The following TTC19 variants were observed in gnomAD, a reference collection of about 807,000 sequenced individuals.
TTC19 encodes the protein tetratricopeptide repeat protein 19, mitochondrial.
Under a neutral mutation model 49.5 loss-of-function variants are expected in TTC19, and 38 were observed. That is an observed-to-expected ratio of 0.77 (90% CI 0.59 to 1.01). TTC19 has a LOEUF of 1.01. Ranked by LOEUF, TTC19 falls within the 50% of genes least tolerant of loss-of-function variation. The pLI is 0.00. For synonymous variants in TTC19, 204 were observed against 185.2 expected, an observed-to-expected ratio of 1.10 and a Z score of -0.83; for missense variants, 475 against 477.7, an observed-to-expected ratio of 0.99 and a Z score of 0.05.
intron 7 of TTC19, chr17:16,023,343 T>G (rs1436646052): frequency 1.3e-5 from 2 of 152,262 alleles, no homozygotes; most frequent in Non-Finnish European, 2.9e-5. Context: ...TGTCACTTTA[T>G]TCTTGTACTT....
At position 16,021,401 on chromosome 17, in the gene TTC19, CA is replaced by C. The variant is rs973478594; in HGVS notation, c.677-3609del. Among the ~76,000 whole-genome samples the C allele has an allele frequency of 7.0e-3, 1,070 of 152,048 alleles. 11 individuals carry two copies. The highest frequency in any genetic ancestry group is 0.025 in the African/African-American group (1,029 of 41,490). On this transcript the variant is annotated intron_variant, in intron 7 of 9. Coordinates refer to ENST00000261647, the MANE Select transcript of TTC19 (RefSeq NM_017775.4). ...AGACTTCGTCTCAAAAAAGAAAAAA[CA>C]AAAAAACAAAGTCACCGCCTCATGG...
At position 15,999,864 on chromosome 17, in the gene TTC19, A is replaced by G; in HGVS notation, c.16A>G (p.Ser6Gly). ...CGGCGGGAGCATGTTCCGGCTCCTG[A>G]GCTGGAGCCTGGGCCGAGGCTTCCT... MFRLLSWSLGRGFLRA... is the reference protein window; with the variant it reads MFRLLGWSLGRGFLRA... Residue 6 changes from serine (S) to glycine (G), a missense_variant, in exon 1 of 10, where the codon AGC becomes GGC. Coordinates refer to ENST00000261647, the MANE Select transcript of TTC19 (RefSeq NM_017775.4). The G allele has an allele frequency of 1.3e-6, 2 of 1,497,350 alleles. No homozygotes were observed. Among genetic ancestry groups the G allele is most frequent in the East Asian group, 5.2e-5 (2 of 38,130 alleles). The allele number at this position is 1,497,350 out of a possible 1,614,324, so 92.8% of individuals were successfully genotyped here.
At position 16,000,000 on chromosome 17, in the gene TTC19, GC is replaced by G; in HGVS notation, c.154del (p.Arg52GlyfsTer49). 2 of 1,257,178 alleles carry G rather than the reference GC, an allele frequency of 1.6e-6. No homozygotes were observed. Among genetic ancestry groups the G allele is most frequent in the Non-Finnish European group, 2.0e-6 (2 of 1,003,688 alleles). 77.9% of individuals were successfully genotyped at this position (1,257,178 alleles called of 1,614,324 possible). On this transcript the variant is annotated frameshift_variant, in exon 1 of 10. Coordinates refer to ENST00000261647, the MANE Select transcript of TTC19 (RefSeq NM_017775.4). LOFTEE classifies it high-confidence loss of function. ...QVPPSRVAPH[G>X]RGPGLLPLLA... is the part of the protein sequence containing the mutation. The stretch of plus-strand genomic sequence containing the variant: ...CCGCCATCCCGAGTCGCGCCGCACG[GC>G]CGGGGCCCAGGCCTGCTGCCGCTGC...
At chr17:16,016,693 G>C (rs908739240) in intron 7 of TTC19, among the ~76,000 whole-genome samples, 1 of 152,032 alleles carries the variant, frequency 6.6e-6, no homozygotes, top group South Asian at 2.1e-4. Flanking sequence ...GAGTAGCTGG[G>C]AGTACAGGTG....
rs111240366 is a variant in TTC19 at position 16,010,988 on chromosome 17, T to C, written c.676+4420T>C. ...GATTACACAGTTACATTTCCTTTTG[T>C]GTACGTTTTGCTTCCTCTGAAGTTA... On this transcript the variant is annotated intron_variant, in intron 7 of 9. Transcript: ENST00000261647. Among the ~76,000 whole-genome samples the C allele has an allele frequency of 2.0e-5, 3 of 152,340 alleles. 1 individual carries two copies. The highest frequency in any genetic ancestry group is 7.2e-5 in the African/African-American group (3 of 41,584).
chr17:16,001,914 G>C lies in TTC19; in HGVS notation c.313-1G>C, dbSNP rs1170919467. The C allele has an allele frequency of 1.2e-6, 2 of 1,607,780 alleles. No homozygotes were observed. Among genetic ancestry groups the C allele is most frequent in the African/African-American group, 2.7e-5 (2 of 74,736 alleles). ...TCTATTATTTTGTCTTCCCTTTTCA[G>C]TTGAGCATTATGAAAGATGAGCCAG... On this transcript the variant is annotated splice_acceptor_variant, in intron 2 of 9. Transcript: ENST00000261647. LOFTEE classifies it high-confidence loss of function.
intron 6 of TTC19, 115 bp downstream of exon 6, chr17:16,004,377 TCA>T: frequency 1.0e-6 from 1 of 969,772 alleles, no homozygotes; most frequent in Non-Finnish European, 1.7e-6. Context: ...GGTGTCACAC[TCA>T]AAGTGTTCCA....
At position 16,023,662 on chromosome 17, in the gene TTC19, G is replaced by C. The variant is rs1344022368; in HGVS notation, c.677-1355G>C. The C allele has an allele frequency of 3.3e-5, 5 of 152,168 alleles. No homozygotes were observed. In the South Asian group the frequency reaches 1.0e-3, roughly 32 times the overall value. 9.4% of individuals were successfully genotyped at this position (152,168 alleles called of 1,614,324 possible). A position where few individuals can be genotyped will look rare whatever the true frequency, so the allele number is the denominator to read the frequency against. ...GAGTCTGATGATACAGACGATTCTG[G>C]TGTTAGTTCTCTGTAGAAATAACTC... On this transcript the variant is annotated intron_variant, in intron 7 of 9. Transcript: ENST00000261647.
intron 7 of TTC19, among the ~76,000 whole-genome samples, chr17:16,008,331 G>A (rs189978166): frequency 3.0e-4 from 46 of 152,156 alleles, no homozygotes; most frequent in Non-Finnish European, 5.7e-4. Flanking sequence ...AACTTGTTTC[G>A]TCACCAGTCA....
chr17:16,016,168 C>G (rs1971208878), intron 7 of TTC19, among the ~76,000 whole-genome samples: 1 of 152,110 alleles, frequency 6.6e-6, no homozygotes. Context: ...TAACTATAAG[C>G]TTTAGCTGCA....
chr17:16,032,230 C>CTAAA, downstream of TTC19: 1 of 1,460,444 alleles, frequency 6.8e-7, no homozygotes, highest in Non-Finnish European at 9.0e-7. Flanking sequence ...TGACCTGCTA[C>CTAAA]TAAAAATTAA....
chr17:16,009,976 A>G (rs1971018282), intron 7 of TTC19, among the ~76,000 whole-genome samples: 1 of 151,998 alleles, frequency 6.6e-6, no homozygotes, highest in Non-Finnish European at 1.5e-5. Flanking sequence ...TTTATAGGGA[A>G]TTTATATTTT....
At chr17:16,026,836 C>A in intron 9 of TTC19, 134 bp downstream of exon 9, 1 of 941,128 alleles carries the variant, frequency 1.1e-6, no homozygotes, top group Non-Finnish European at 1.7e-6. Flanking sequence ...GGTTGAATGG[C>A]AGAAAAAGGA....
chr17:16,039,386 CT>C (rs2151979516), intron 2 of TTC19: 3 of 1,581,462 alleles, frequency 1.9e-6, no homozygotes, highest in East Asian at 2.3e-5. Context: ...AATAAACTGG[CT>C]TTTTTGGGGA....
At chr17:16,044,304 G>A in intron 2 of TTC19, 1 of 446,368 alleles carries the variant, frequency 2.2e-6, no homozygotes, top group Non-Finnish European at 4.6e-6. Flanking sequence ...GCGAGGACAA[G>A]TTCAGAAACA....
downstream of TTC19, chr17:16,032,631 A>G: frequency 1.4e-6 from 1 of 696,810 alleles, no homozygotes; most frequent in South Asian, 2.1e-5. Flanking sequence ...CGGAATGGCC[A>G]AAGTCTCACC....
intron 7 of TTC19, among the ~76,000 whole-genome samples, chr17:16,020,605 A>G (rs1971348043): frequency 6.6e-6 from 1 of 152,124 alleles, no homozygotes; most frequent in South Asian, 2.1e-4. Context: ...TAAATCTGTA[A>G]TTATAACTAT....
chr17:16,032,256 G>T (rs368886666), downstream of TTC19: 1 of 1,524,260 alleles, frequency 6.6e-7, no homozygotes, highest in Non-Finnish European at 8.7e-7. Context: ...AAAAACTAGA[G>T]ATCCCTCTCC....
chr17:16,006,234 ACT>A (rs1970903652), intron 6 of TTC19, among the ~76,000 whole-genome samples: 2 of 152,138 alleles, frequency 1.3e-5, no homozygotes, highest in African/African-American at 4.8e-5. Context: ...ACATGGTGAA[ACT>A]CTGTCTTTAC....
Sources: allele counts gnomAD v4.1 joint callset (sites outside exome capture counted in the v4.1 genomes callset), GRCh38; gene constraint gnomAD v4.1.1; transcripts MANE v1.5; gene names NCBI Gene and HGNC (gene_info 2026-07-23, HGNC 2026-07-21).